Variants in BCAS3 observed in about 807,000 individuals in gnomAD.
BCAS3 encodes BCAS4/BCAS3 fusion.
A neutral mutation model predicts 116.1 loss-of-function variants in BCAS3; 53 were observed. The ratio of observed to expected loss-of-function variants is 0.46; its 90% CI spans 0.37 to 0.57. The LOEUF is 0.57. BCAS3 is among the 20% of genes least tolerant of loss of function. The pLI is 0.00. For missense variants in BCAS3, 917 were observed against 1,165.4 expected (o/e 0.79, Z 3.10); for synonymous variants, 391 against 408.2 (o/e 0.96, Z 0.51).
chr17:60,749,468 A>C (rs1301851855), intron 6 of BCAS3, among the ~76,000 whole-genome samples: 1 of 152,140 alleles, frequency 6.6e-6, no homozygotes. Context: ...TTGGAAATGC[A>C]AGTCTGGTAT....
rs1359691215 is a variant in BCAS3, at chr17:61,203,545, CAT to C, written c.2425+118982_2425+118983del. Among the ~76,000 whole-genome samples, 1 of 152,190 alleles carries C rather than the reference CAT, an allele frequency of 6.6e-6. No homozygotes were observed. Among genetic ancestry groups the C allele is most frequent in the Non-Finnish European group, 1.5e-5 (1 of 68,038 alleles). On this transcript the variant is annotated intron_variant, in intron 22 of 23. Transcript: ENST00000407086. This position sits in a 1 kb window ranked among gnomAD's most constrained non-coding sequence, Gnocchi z 5.7. ...TTTATGAAGAACTTAACAGTTTCCACATTGCCATTTCTGTAAAATCAGGAAAA... is the reference window on the plus strand; with the variant it reads ...TTTATGAAGAACTTAACAGTTTCCACTGCCATTTCTGTAAAATCAGGAAAA...
intron 8 of BCAS3, among the ~76,000 whole-genome samples, chr17:60,874,324 G>A (rs896963620): frequency 1.3e-5 from 2 of 152,128 alleles, no homozygotes; most frequent in African/African-American, 4.8e-5. Context: ...CTTCTGCCTT[G>A]GCCTCCAGGA....
rs935420920 is a variant in BCAS3 at position 60,990,614 on chromosome 17, C to G, written c.1486+379C>G. 2.0e-5 allele frequency among the ~76,000 whole-genome samples: 3 copies of G among 151,044 alleles called. No individual in the cohort carries two copies. Among genetic ancestry groups the G allele is most frequent in the African/African-American group, 7.3e-5 (3 of 41,148 alleles). ...ATATTCATTGTTGGAAAGAAATAGT[C>G]ATGGGTAATGTGTATTTTAGATAGA... On this transcript the variant is annotated intron_variant, in intron 15 of 23. Coordinates refer to ENST00000407086, the MANE Select transcript of BCAS3 (RefSeq NM_017679.5). This position sits in a 1 kb window ranked among gnomAD's most constrained non-coding sequence, Gnocchi z 5.1.
At position 61,124,236 on chromosome 17, in the gene BCAS3, A is replaced by G. The variant is rs1440674899; in HGVS notation, c.2425+39672A>G. ...AAAATTATTTCTACAGGACAATAAAACCTGGGATTCTCCTCCACAAAATGA... is the reference window on the plus strand; with the variant it reads ...AAAATTATTTCTACAGGACAATAAAGCCTGGGATTCTCCTCCACAAAATGA... On this transcript the variant is annotated intron_variant, in intron 22 of 23. Transcript: ENST00000407086. This position sits in a 1 kb window ranked among gnomAD's most constrained non-coding sequence, Gnocchi z 4.6. Among the ~76,000 whole-genome samples the G allele has an allele frequency of 6.6e-6, 1 of 152,116 alleles. No individual in the cohort carries two copies. The highest frequency in any genetic ancestry group is 1.5e-5 in the Non-Finnish European group (1 of 68,004).
At chr17:60,924,160 G>A (rs1176462781) in intron 12 of BCAS3, among the ~76,000 whole-genome samples, 1 of 151,992 alleles carries the variant, frequency 6.6e-6, no homozygotes, top group Non-Finnish European at 1.5e-5. Flanking sequence ...AGAAGTAATT[G>A]TTTCTGTCAT....
chr17:61,357,105 A>G (rs1043543975), intron 22 of BCAS3: 7 of 150,700 alleles, frequency 4.6e-5, no homozygotes, highest in African/African-American at 1.7e-4. Flanking sequence ...TTCTTAAAAA[A>G]CTGATTACAG....
At chr17:61,385,453 G>A (rs2059799575) in intron 23 of BCAS3, among the ~76,000 whole-genome samples, 1 of 152,226 alleles carries the variant, frequency 6.6e-6, no homozygotes, top group Admixed American at 6.5e-5. Context: ...TGAACTTAGA[G>A]CAGTCACGTG....
In BCAS3 at chr17:61,141,322, C is replaced by G. The variant is rs895245325; in HGVS notation, c.2425+56758C>G. Among the ~76,000 whole-genome samples, 16 of 152,064 alleles carry G rather than the reference C, an allele frequency of 1.1e-4. No individual in the cohort carries two copies. Among genetic ancestry groups the G allele is most frequent in the African/African-American group, 3.6e-4 (15 of 41,378 alleles). On this transcript the variant is annotated intron_variant, in intron 22 of 23. Transcript: ENST00000407086. This position sits in a 1 kb window ranked among gnomAD's most constrained non-coding sequence, Gnocchi z 4.3. ...CCTGTAATCCCAGCATGTTGGGAGG[C>G]CAAAGTGGGAGGACCGCTTGAGACC...
rs901426201 is a variant in BCAS3, at chr17:60,881,445, T to C, written c.661+6707T>C. Reference sequence around the variant, plus strand: ...CTAAGAATTTAATTGTTTAACTTTTTTTTTTTTATTATACTTTAAGTTTTA... The same window carrying C: ...CTAAGAATTTAATTGTTTAACTTTTCTTTTTTTATTATACTTTAAGTTTTA... On this transcript the variant is annotated intron_variant, in intron 9 of 23. Coordinates refer to ENST00000407086, the MANE Select transcript of BCAS3 (RefSeq NM_017679.5). Among the ~76,000 whole-genome samples, 135 of 152,298 alleles carry C rather than the reference T, an allele frequency of 8.9e-4. 1 individual carries two copies. Among genetic ancestry groups the C allele is most frequent in the Admixed American group, 6.1e-3 (94 of 15,300 alleles).
chr17:60,742,426 CTTTTTTTTTTT>C (rs1173664552), intron 5 of BCAS3, among the ~76,000 whole-genome samples: 1 of 103,450 alleles, frequency 9.7e-6, no homozygotes, highest in Non-Finnish European at 1.9e-5. Flanking sequence ...TCCTTGACAT[CTTTTTTTTTTT>C]TTTTTTTTTT....
intron 22 of BCAS3, among the ~76,000 whole-genome samples, chr17:61,308,153 G>GGCCAA (rs2053991316): frequency 1.5e-5 from 2 of 135,182 alleles, no homozygotes; most frequent in African/African-American, 7.5e-5. Context: ...GGGCACAACT[G>GGCCAA]GCCAAGTGTG....
At chr17:60,679,837 G>A (rs1279479194) in intron 2 of BCAS3, among the ~76,000 whole-genome samples, 1 of 152,126 alleles carries the variant, frequency 6.6e-6, no homozygotes, top group African/African-American at 2.4e-5. Flanking sequence ...GTCAGGAGTT[G>A]TAGTAGAAAA....
intron 19 of BCAS3, among the ~76,000 whole-genome samples, chr17:61,072,196 C>A (rs1372520414): frequency 6.6e-6 from 1 of 152,050 alleles, no homozygotes; most frequent in East Asian, 1.9e-4. Context: ...TTAATGAGGG[C>A]AGAGAGGATC....
chr17:60,714,544 T>TCA, intron 5 of BCAS3, among the ~76,000 whole-genome samples: 1 of 151,996 alleles, frequency 6.6e-6, no homozygotes, highest in Non-Finnish European at 1.5e-5. Flanking sequence ...TCCCAGCTAC[T>TCA]TTGGAGGCTG....
chr17:60,933,698 G>A (rs528614414), intron 13 of BCAS3, among the ~76,000 whole-genome samples: 1 of 152,188 alleles, frequency 6.6e-6, no homozygotes, highest in Non-Finnish European at 1.5e-5. Context: ...GAAATACCAT[G>A]TCTTGATTTA....
At chr17:61,304,999 C>A (rs1241101261) in intron 22 of BCAS3, among the ~76,000 whole-genome samples, 1 of 152,126 alleles carries the variant, frequency 6.6e-6, no homozygotes, top group East Asian at 1.9e-4. Flanking sequence ...TCAGGTGATC[C>A]GCCCGCCTCG....
Position 60,679,361 on chromosome 17 carries a change from A to C in BCAS3, c.-5-92A>C, listed in dbSNP as rs1049371766. On this transcript the variant is annotated intron_variant, in intron 1 of 23. Coordinates refer to ENST00000407086, the MANE Select transcript of BCAS3 (RefSeq NM_017679.5). ...ACATTTGAGGCATTTTTGACAAGGG[A>C]TCTCTAGTGAGTAATCATAAATCTT... is the stretch of plus-strand genomic sequence containing the variant. 11 of 847,186 alleles carry C rather than the reference A, an allele frequency of 1.3e-5. No homozygotes were observed. In the African/African-American group the frequency reaches 1.7e-4, roughly 13 times the overall value. 52.5% of individuals were successfully genotyped at this position (847,186 alleles called of 1,614,324 possible).
At chr17:61,197,341 G>A (rs928760804) in intron 22 of BCAS3, among the ~76,000 whole-genome samples, 1 of 152,144 alleles carries the variant, frequency 6.6e-6, no homozygotes, top group East Asian at 1.9e-4. Context: ...CCAGTCTTAC[G>A]TTTGCTTAAG....
intron 6 of BCAS3, among the ~76,000 whole-genome samples, chr17:60,772,695 C>A (rs538910175): frequency 6.6e-6 from 1 of 152,304 alleles, no homozygotes; most frequent in South Asian, 2.1e-4. Context: ...GCCTAGCCAA[C>A]ATGGCAAAAC....
Sources: gnomAD v4.1 joint callset for allele counts (sites outside exome capture counted in the v4.1 genomes callset) on GRCh38, gnomAD v4.1.1 for gene constraint, Gnocchi (gnomAD v3.1) non-coding constraint, MANE v1.5 for transcripts, NCBI Gene and HGNC (gene_info 2026-07-23, HGNC 2026-07-21) for gene names.